The following RASSF6 variants were observed in gnomAD, a reference collection of about 807,000 sequenced individuals.
RASSF6 encodes the protein Ras association domain family member 6.
RASSF6 carries 52 observed loss-of-function variants against 44.0 expected under a neutral mutation model. That is an observed-to-expected ratio of 1.18 (90% confidence interval 0.95 to 1.49). RASSF6 has a LOEUF of 1.49. Ranked by LOEUF, RASSF6 falls within the 40% of genes most tolerant of loss-of-function variation. The pLI, the probability that RASSF6 is intolerant of heterozygous loss-of-function variation, is 0.00. For missense variants in RASSF6, 464 were observed against 393.3 expected, an observed-to-expected ratio of 1.18 and a Z score of -1.52; for synonymous variants, 162 against 124.6, an observed-to-expected ratio of 1.30 and a Z score of -2.00.
intron 5 of RASSF6, among the ~76,000 whole-genome samples, chr4:73,586,185 A>G (rs1724073966): frequency 6.6e-6 from 1 of 151,842 alleles, no homozygotes; most frequent in African/African-American, 2.4e-5. Context: ...TACTATTTGT[A>G]ATATATCACA....
In RASSF6 at chr4:73,576,659, G is replaced by C. The variant is rs759628715; in HGVS notation, c.794C>G (p.Ala265Gly). ...ATCTTTATCCATGAGGAAAATGCGA[G>C]CATTCTTTTCAGAAGGTCCCTGTAG... ...RLLQGPSEKN[A>G]RIFLMDKDAE... The change falls in exon 9 of 11, where the codon GCT becomes GGT. Residue 265 changes from alanine (A) to glycine (G), a missense_variant. Transcript: ENST00000307439. 1.9e-6 allele frequency: 3 copies of C among 1,613,532 alleles called. No individual in the cohort carries two copies. In the South Asian group the frequency reaches 3.3e-5, roughly 18 times the overall value.
chr4:73,618,715 A>T (rs1726526596), intron 1 of RASSF6, among the ~76,000 whole-genome samples: 1 of 152,196 alleles, frequency 6.6e-6, no homozygotes, highest in Non-Finnish European at 1.5e-5. Flanking sequence ...AATTGTAAGC[A>T]CACTGAAGAA....
chr4:73,581,203 A>T (rs1723621818), intron 8 of RASSF6, among the ~76,000 whole-genome samples: 1 of 152,166 alleles, frequency 6.6e-6, no homozygotes, highest in Admixed American at 6.6e-5. Flanking sequence ...ACAAATTGAT[A>T]TATAAAATTT....
intron 2 of RASSF6, among the ~76,000 whole-genome samples, chr4:73,606,454 T>C (rs535751119): frequency 1.3e-5 from 2 of 152,242 alleles, no homozygotes; most frequent in South Asian, 4.2e-4. Context: ...TGAAGAGCTA[T>C]CTATTGGATA....
Position 73,620,366 on chromosome 4 carries a change from C to A in RASSF6, c.-113G>T, listed in dbSNP as rs1467311303. The A allele has an allele frequency of 1.5e-5, 23 of 1,510,646 alleles. No individual in the cohort carries two copies. Among genetic ancestry groups the A allele is most frequent in the South Asian group, 2.6e-5 (2 of 77,898 alleles). 93.6% of individuals were successfully genotyped at this position (1,510,646 alleles called of 1,614,324 possible). A position where few individuals can be genotyped will look rare whatever the true frequency, so the allele number is the denominator to read the frequency against. ...AACTTGCTTCGCGGTTTGTTCTCGG[C>A]TGGGTCAGGAACTCTGGTAGAGGGA... On this transcript the variant is annotated 5_prime_UTR_variant, in exon 1 of 11. Coordinates refer to ENST00000307439, the MANE Select transcript of RASSF6 (RefSeq NM_177532.5).
upstream of RASSF6, chr4:73,620,548 G>C (rs1006425587): frequency 5.3e-6 from 7 of 1,312,306 alleles, no homozygotes; most frequent in Non-Finnish European, 6.2e-6. Flanking sequence ...AGCGATCCTG[G>C]AGCCCCAGGA....
At position 73,615,115 on chromosome 4, in the gene RASSF6, G is replaced by A. The variant is rs375256101; in HGVS notation, c.-34-3286C>T. The stretch of plus-strand genomic sequence containing the variant: ...AATCACTTAAACCTGGGAGATGGAG[G>A]TTGCAGTGAGCCAAGATTGTGTCCC... On this transcript the variant is annotated intron_variant, in intron 1 of 10. Transcript: ENST00000307439. Among the ~76,000 whole-genome samples, 5 of 145,382 alleles carry A rather than the reference G, an allele frequency of 3.4e-5. No individual in the cohort carries two copies. In the East Asian group the frequency reaches 8.0e-4, roughly 23 times the overall value.
At chr4:73,587,593 GTGACA>G (rs1350341661) in intron 5 of RASSF6, among the ~76,000 whole-genome samples, 1 of 151,666 alleles carries the variant, frequency 6.6e-6, no homozygotes, top group African/African-American at 2.4e-5. Flanking sequence ...ATAAATCTAA[GTGACA>G]TAATATAATT....
At chr4:73,603,632 A>C (rs967771973) in intron 2 of RASSF6, among the ~76,000 whole-genome samples, 1 of 152,202 alleles carries the variant, frequency 6.6e-6, no homozygotes, top group East Asian at 1.9e-4. Flanking sequence ...TGCTCAGCCT[A>C]TGGGAATTAC....
intron 2 of RASSF6, among the ~76,000 whole-genome samples, chr4:73,604,884 C>CTTTTTTTTTT (rs35609056): frequency 4.0e-4 from 55 of 138,280 alleles, no homozygotes; most frequent in Non-Finnish European, 6.2e-4. Context: ...CATTTTCTTT[C>CTTTTTTTTTT]TTTTTTTTTT....
At chr4:73,576,351 A>C (rs1180388548) in intron 10 of RASSF6, 41 bp from the exon 11 acceptor site, 13 of 1,479,152 alleles carry the variant, frequency 8.8e-6, no homozygotes, top group Non-Finnish European at 1.1e-5. Flanking sequence ...AATTGGACAT[A>C]TTTTGTGCAT....
In RASSF6 at chr4:73,573,938, G is replaced by A. The variant is rs996223644; in HGVS notation, c.*2297C>T. 1 of 152,238 alleles carries A rather than the reference G, an allele frequency of 6.6e-6. No homozygotes were observed. Among genetic ancestry groups the A allele is most frequent in the East Asian group, 1.9e-4 (1 of 5,192 alleles). The allele number at this position is 152,238 out of a possible 1,614,324, so 9.4% of individuals were successfully genotyped here. ...GAAGGGGTCTTTCCTGATTCCTCCA[G>A]GCTGACAGGCCAGGCTACTGGAGAG... is the stretch of plus-strand genomic sequence containing the variant. On this transcript the variant is annotated 3_prime_UTR_variant, in exon 11 of 11. Coordinates refer to ENST00000307439, the MANE Select transcript of RASSF6 (RefSeq NM_177532.5).
At chr4:73,606,044 C>G (rs1185535148) in intron 2 of RASSF6, among the ~76,000 whole-genome samples, 1 of 152,134 alleles carries the variant, frequency 6.6e-6, no homozygotes, top group African/African-American at 2.4e-5. Flanking sequence ...TACCTTTCAA[C>G]CCAACAATCC....
At chr4:73,615,816 T>G (rs1245717802) in intron 1 of RASSF6, 1 of 1,239,774 alleles carries the variant, frequency 8.1e-7, no homozygotes, top group Non-Finnish European at 1.2e-6. Flanking sequence ...GCATTAGCGT[T>G]CCAGCAATGC....
At chr4:73,599,126 GA>G (rs1202676596) in intron 2 of RASSF6, among the ~76,000 whole-genome samples, 2 of 152,178 alleles carry the variant, frequency 1.3e-5, no homozygotes, top group Non-Finnish European at 2.9e-5. Flanking sequence ...CATGGGATGG[GA>G]CACCAGTGCC....
intron 6 of RASSF6, among the ~76,000 whole-genome samples, chr4:73,583,440 C>G (rs1723825667): frequency 6.6e-6 from 1 of 151,988 alleles, no homozygotes; most frequent in Non-Finnish European, 1.5e-5. Flanking sequence ...TTATATTCAC[C>G]ATAACTAATC....
In RASSF6 at chr4:73,575,760, A is replaced by G. The variant is rs1414822421; in HGVS notation, c.*475T>C. The G allele has an allele frequency of 1.3e-5, 2 of 152,336 alleles. No homozygotes were observed. Among genetic ancestry groups the G allele is most frequent in the Non-Finnish European group, 2.9e-5 (2 of 68,148 alleles). The allele number at this position is 152,336 out of a possible 1,614,324, so 9.4% of individuals were successfully genotyped here. ...TTAAGATAGTCCTAGATTTTATGAA[A>G]ATGCCAGAGTTTTCAAGAAGCTACT... On this transcript the variant is annotated 3_prime_UTR_variant, in exon 11 of 11. Transcript: ENST00000307439.
chr4:73,589,069 C>T (rs1017225190), intron 4 of RASSF6, among the ~76,000 whole-genome samples: 1 of 152,072 alleles, frequency 6.6e-6, no homozygotes, highest in Non-Finnish European at 1.5e-5. Flanking sequence ...CATCCCTTAT[C>T]CTCTTTACTT....
At chr4:73,613,036 C>T (rs1251846572) in intron 1 of RASSF6, among the ~76,000 whole-genome samples, 1 of 152,172 alleles carries the variant, frequency 6.6e-6, no homozygotes, top group Admixed American at 6.5e-5. Flanking sequence ...TTTTAGTCCC[C>T]AGTGGGAAAT....
Sources: allele counts gnomAD v4.1 joint callset (sites outside exome capture counted in the v4.1 genomes callset), GRCh38; gene constraint gnomAD v4.1.1; transcripts MANE v1.5; gene names NCBI Gene and HGNC (gene_info 2026-07-23, HGNC 2026-07-21).